EYS: variants seen among roughly 807,000 people sequenced by gnomAD.
EYS encodes the protein protein eyes shut homolog.
A neutral mutation model predicts 282.1 loss-of-function variants in EYS; 250 were observed. That is an observed-to-expected ratio of 0.89 (90% confidence interval 0.80 to 0.98). EYS has a LOEUF of 0.98. EYS is among the 50% of genes least tolerant of loss of function. The probability of loss-of-function intolerance (pLI) is 0.00; values close to 1 mark genes in which losing one functional copy is unlikely to be tolerated. For missense variants in EYS, 4,016 were observed against 3,709.0 expected, an observed-to-expected ratio of 1.08 and a Z score of -2.15; for synonymous variants, 1,355 against 1,282.9, an observed-to-expected ratio of 1.06 and a Z score of -1.20.
intron 24 of EYS, among the ~76,000 whole-genome samples, chr6:64,600,658 C>A (rs1582941426): frequency 6.6e-6 from 1 of 152,036 alleles, no homozygotes; most frequent in East Asian, 1.9e-4. Context: ...TCTTTTCCAG[C>A]ATACTACCAG....
At chr6:64,821,909 C>G (rs370532424) in intron 20 of EYS, among the ~76,000 whole-genome samples, 186 bp from the exon 21 acceptor site, 1 of 152,030 alleles carries the variant, frequency 6.6e-6, no homozygotes, top group East Asian at 1.9e-4. Context: ...AAAAACGGAT[C>G]AATTTTCATT....
chr6:65,221,393 C>A (rs1161016941), intron 12 of EYS, among the ~76,000 whole-genome samples: 1 of 152,146 alleles, frequency 6.6e-6, no homozygotes, highest in Non-Finnish European at 1.5e-5. Flanking sequence ...GACTTGATGC[C>A]CTATGTCCCA....
chr6:65,332,573 G>T (rs935300878), intron 11 of EYS, among the ~76,000 whole-genome samples: 3 of 151,324 alleles, frequency 2.0e-5, no homozygotes, highest in African/African-American at 7.3e-5. Flanking sequence ...TATATAGAGG[G>T]ATTGAAAACA....
chr6:64,285,270 A>G (rs757477972), intron 30 of EYS, among the ~76,000 whole-genome samples: 1 of 152,158 alleles, frequency 6.6e-6, no homozygotes, highest in Non-Finnish European at 1.5e-5. Flanking sequence ...CACCTCTTGA[A>G]TGCTTTACCA....
intron 14 of EYS, among the ~76,000 whole-genome samples, chr6:64,989,434 AGGAAGAGGCTATTTACTGGCTAGC>A: frequency 1.3e-5 from 1 of 75,140 alleles, no homozygotes; most frequent in African/African-American, 8.1e-5. Flanking sequence ...TATGAGAAAC[AGGAAGAGGCTATTTACTGGCTAGC>A]TGTAATATAT....
At chr6:64,770,297 GAA>G (rs1773487004) in intron 22 of EYS, among the ~76,000 whole-genome samples, 1 of 151,906 alleles carries the variant, frequency 6.6e-6, no homozygotes, top group Non-Finnish European at 1.5e-5. Flanking sequence ...GTAAAGAAAT[GAA>G]AAGTTATTGT....
At chr6:64,056,559 C>A (rs1016228925) in intron 33 of EYS, among the ~76,000 whole-genome samples, 1 of 152,184 alleles carries the variant, frequency 6.6e-6, no homozygotes, top group Non-Finnish European at 1.5e-5. Flanking sequence ...GCTAAGGTGC[C>A]AGACGAATTG....
intron 22 of EYS, among the ~76,000 whole-genome samples, chr6:64,658,621 C>G (rs1194029532): frequency 1.3e-5 from 2 of 152,188 alleles, no homozygotes; most frequent in African/African-American, 4.8e-5. Flanking sequence ...GAGATCCACT[C>G]CAGACCCTGT....
At chr6:64,889,638 T>C (rs1028414652) in intron 18 of EYS, among the ~76,000 whole-genome samples, 1 of 152,044 alleles carries the variant, frequency 6.6e-6, no homozygotes, top group Non-Finnish European at 1.5e-5. Flanking sequence ...TTTACTGCAA[T>C]CTCTAAACAT....
intron 26 of EYS, among the ~76,000 whole-genome samples, chr6:64,499,163 G>A (rs1156773023): frequency 1.3e-5 from 2 of 152,220 alleles, no homozygotes; most frequent in East Asian, 3.9e-4. Context: ...TCTAACTGGC[G>A]TGAGATGGTA....
intron 1 of EYS, among the ~76,000 whole-genome samples, chr6:65,693,499 G>T (rs1769324251): frequency 6.9e-6 from 1 of 145,946 alleles, no homozygotes; most frequent in African/African-American, 2.5e-5. Context: ...AAGATGTTTG[G>T]CATTTTAGGG....
intron 12 of EYS, among the ~76,000 whole-genome samples, chr6:65,197,762 T>G (rs778114587): frequency 6.6e-6 from 1 of 152,044 alleles, no homozygotes; most frequent in Non-Finnish European, 1.5e-5. Flanking sequence ...AAATTCAGTA[T>G]AGAAGATTAA....
intron 26 of EYS, among the ~76,000 whole-genome samples, chr6:64,468,521 T>C (rs1775996246): frequency 6.6e-6 from 1 of 152,220 alleles, no homozygotes; most frequent in Non-Finnish European, 1.5e-5. Context: ...TTTTATTTTA[T>C]GTTCAGGGGT....
intron 36 of EYS, among the ~76,000 whole-genome samples, chr6:63,816,843 T>C (rs1207801933): frequency 1.5e-4 from 23 of 152,216 alleles, no homozygotes; most frequent in Admixed American, 1.5e-3. Flanking sequence ...GGTTGCTGAG[T>C]GCCAACGTGC....
chr6:63,923,117 A>T (rs1764618364), intron 35 of EYS, among the ~76,000 whole-genome samples: 1 of 152,206 alleles, frequency 6.6e-6, no homozygotes, highest in Non-Finnish European at 1.5e-5. Context: ...CTGTTATAGG[A>T]TGCTGTAAAA....
At chr6:64,472,747 A>G (rs73767820) in intron 26 of EYS, among the ~76,000 whole-genome samples, 7,873 of 152,236 alleles carry the variant, frequency 0.052, 684 homozygotes, top group African/African-American at 0.18. Flanking sequence ...ATTCATAAAA[A>G]ATAATACTTA....
intron 12 of EYS, among the ~76,000 whole-genome samples, chr6:65,106,675 T>A (rs1775047659): frequency 6.6e-6 from 1 of 152,128 alleles, no homozygotes; most frequent in Non-Finnish European, 1.5e-5. Flanking sequence ...ATTGGCTTTT[T>A]AAAATATTAA....
rs372330759 is a variant in EYS, at chr6:65,566,211, G to A, written c.-332-70218C>T. Among the ~76,000 whole-genome samples, 13 of 152,144 alleles carry A rather than the reference G, an allele frequency of 8.5e-5. No homozygotes were observed. In the East Asian group the frequency reaches 1.4e-3, roughly 16 times the overall value. ...TGTTTACAGTAAGGGTCAAAATGGT[G>A]GAGTTTGACCTTCCACCAGATGCAC... On this transcript the variant is annotated intron_variant, in intron 2 of 42. Coordinates refer to ENST00000503581, the MANE Select transcript of EYS (RefSeq NM_001142800.2).
At chr6:63,925,721 G>T (rs1457741606) in intron 35 of EYS, among the ~76,000 whole-genome samples, 1 of 152,184 alleles carries the variant, frequency 6.6e-6, no homozygotes, top group African/African-American at 2.4e-5. Context: ...TTGGCTCACT[G>T]CAACCTCTGC....
Sources: gnomAD v4.1 joint callset for allele counts (sites outside exome capture counted in the v4.1 genomes callset) on GRCh38, gnomAD v4.1.1 for gene constraint, MANE v1.5 for transcripts, NCBI Gene and HGNC (gene_info 2026-07-23, HGNC 2026-07-21) for gene names.